Variants in PHF21A observed in about 807,000 individuals in gnomAD.
PHF21A encodes the protein PHD finger protein 21A, also known as BHC80a.
A neutral mutation model predicts 82.5 loss-of-function variants in PHF21A; 11 were observed. The ratio of observed to expected loss-of-function variants is 0.13; its 90% CI spans 0.08 to 0.22. The LOEUF (loss-of-function observed/expected upper bound fraction) is 0.22, where lower values mean the gene tolerates loss of function less well. PHF21A is among the 10% of genes least tolerant of loss of function. The pLI is 1.00. For synonymous variants in PHF21A, 297 were observed against 302.8 expected (o/e 0.98, Z 0.20); for missense variants, 579 against 837.8 (o/e 0.69, Z 3.81).
intron 6 of PHF21A, among the ~76,000 whole-genome samples, chr11:46,038,934 C>T (rs1482599943): frequency 6.6e-6 from 1 of 152,030 alleles, no homozygotes; most frequent in African/African-American, 2.4e-5. Flanking sequence ...ACATTCAAAC[C>T]ACAGCACTAT....
In PHF21A at chr11:46,104,829, G is replaced by A. The variant is rs1452617459; in HGVS notation, c.-236-12606C>T. 2.0e-5 allele frequency among the ~76,000 whole-genome samples: 3 copies of A among 152,176 alleles called. No homozygotes were observed. The East Asian group carries it at 5.8e-4, about 29-fold the overall frequency. ...GCACAGTGGTATGCAGCACGTATGT[G>A]ATACATCTTTATTGGAGTGAGCTTA... On this transcript the variant is annotated intron_variant, in intron 1 of 18. Coordinates refer to ENST00000676320, the MANE Select transcript of PHF21A (RefSeq NM_001352027.3).
chr11:46,037,529 T>C (rs2096032506), intron 6 of PHF21A, among the ~76,000 whole-genome samples: 1 of 151,420 alleles, frequency 6.6e-6, no homozygotes, highest in Admixed American at 6.6e-5. Flanking sequence ...TAATCCCAGC[T>C]ACTTGGGAGG....
chr11:45,964,820 T>A (rs1458925970), intron 10 of PHF21A, among the ~76,000 whole-genome samples: 1 of 152,238 alleles, frequency 6.6e-6, no homozygotes, highest in Non-Finnish European at 1.5e-5. Flanking sequence ...TCCTCTAAAG[T>A]TAAAGAATGC....
chr11:46,029,669 CAAA>C (rs542384009), intron 6 of PHF21A, among the ~76,000 whole-genome samples: 6 of 96,828 alleles, frequency 6.2e-5, no homozygotes, highest in East Asian at 3.4e-4. Flanking sequence ...GCCTCCGTCT[CAAA>C]AAAAAAAAAA....
At chr11:46,063,260 A>T (rs1387229725) in intron 6 of PHF21A, among the ~76,000 whole-genome samples, 7 of 152,194 alleles carry the variant, frequency 4.6e-5, no homozygotes, top group Admixed American at 3.3e-4. Flanking sequence ...CAGTGTACAT[A>T]CAGTCTATAT....
chr11:46,008,221 A>G (rs1221010870), intron 6 of PHF21A, among the ~76,000 whole-genome samples: 1 of 152,230 alleles, frequency 6.6e-6, no homozygotes, highest in Non-Finnish European at 1.5e-5. Context: ...AGACTAATCC[A>G]TAATGTTCAG....
chr11:46,080,283 C>T (rs1379901543), intron 4 of PHF21A, among the ~76,000 whole-genome samples: 1 of 151,422 alleles, frequency 6.6e-6, no homozygotes, highest in Middle Eastern at 3.2e-3. Context: ...CTCAGCCTCC[C>T]GAGTGGCTAG....
chr11:45,953,019 T>C (rs933764161), intron 11 of PHF21A, among the ~76,000 whole-genome samples: 4 of 152,260 alleles, frequency 2.6e-5, no homozygotes, highest in Non-Finnish European at 4.4e-5. Context: ...CCTACTTTTA[T>C]GCTTCAATGG....
intron 4 of PHF21A, chr11:46,083,677 GAT>G (rs1390648341): frequency 6.6e-6 from 1 of 152,236 alleles, no homozygotes; most frequent in African/African-American, 2.4e-5. Flanking sequence ...ATTATATAAA[GAT>G]AGCTTTTTGT....
rs572278349 is a variant in PHF21A, at chr11:46,002,547, T to C, written c.154-22581A>G. Among the ~76,000 whole-genome samples the C allele has an allele frequency of 2.6e-5, 4 of 152,242 alleles. No individual in the cohort carries two copies. The South Asian group carries it at 8.3e-4, about 32-fold the overall frequency. On this transcript the variant is annotated intron_variant, in intron 6 of 18. Transcript: ENST00000676320. ...GGGGAAAAAAAAAGGAATTCACACA[T>C]GGCCTTTTTCATTTAAGGGCAGAAA...
intron 6 of PHF21A, among the ~76,000 whole-genome samples, chr11:46,029,733 C>A (rs1258868076): frequency 6.6e-6 from 1 of 151,782 alleles, no homozygotes; most frequent in Non-Finnish European, 1.5e-5. Flanking sequence ...ACCTAAAAAC[C>A]TAGCAATAAA....
chr11:45,997,673 C>T (rs1215071969), intron 6 of PHF21A, among the ~76,000 whole-genome samples: 3 of 152,144 alleles, frequency 2.0e-5, no homozygotes, highest in Non-Finnish European at 4.4e-5. Context: ...TCTATAACCA[C>T]GTTAAGAATC....
At chr11:46,103,542 G>C (rs571708230) in intron 1 of PHF21A, among the ~76,000 whole-genome samples, 1 of 152,094 alleles carries the variant, frequency 6.6e-6, no homozygotes, top group Non-Finnish European at 1.5e-5. Flanking sequence ...TTAGGAACAG[G>C]GACAAAATAA....
At chr11:46,000,704 G>C (rs1225854231) in intron 6 of PHF21A, among the ~76,000 whole-genome samples, 1 of 152,108 alleles carries the variant, frequency 6.6e-6, no homozygotes, top group Non-Finnish European at 1.5e-5. Flanking sequence ...CAGATCACCT[G>C]AGGTTTGGAG....
chr11:46,103,768 T>C (rs1184268515), intron 1 of PHF21A, among the ~76,000 whole-genome samples: 1 of 152,134 alleles, frequency 6.6e-6, no homozygotes, highest in Admixed American at 6.5e-5. Context: ...ATATCAAGGA[T>C]CAAAGACCAA....
rs144001145 is a variant in PHF21A at position 45,964,398 on chromosome 11, T to A, written c.996+917A>T. Among the ~76,000 whole-genome samples, 249 of 152,172 alleles carry A rather than the reference T, an allele frequency of 1.6e-3. 1 individual carries two copies. Among genetic ancestry groups the A allele is most frequent in the African/African-American group, 5.7e-3 (237 of 41,512 alleles). On this transcript the variant is annotated intron_variant, in intron 10 of 18. Transcript: ENST00000676320. ...TGCCTGGGTTTAAGGTCTAGTACCCTATGCATAGGTTCCTCTGCTCAAGAA... is the reference window on the plus strand; with the variant it reads ...TGCCTGGGTTTAAGGTCTAGTACCCAATGCATAGGTTCCTCTGCTCAAGAA...
Position 46,089,816 on chromosome 11 carries a change from C to T in PHF21A, c.-84+639G>A, listed in dbSNP as rs544669205. ...TATTTGTTTTGGAGGGGGTGGGGGG[C>T]GGGTCCTCATTTTTTAAAAAAGGAA... On this transcript the variant is annotated intron_variant, in intron 3 of 18. Transcript: ENST00000676320. Among the ~76,000 whole-genome samples, 3 of 106,772 alleles carry T rather than the reference C, an allele frequency of 2.8e-5. No homozygotes were observed. In the Admixed American group the frequency reaches 4.0e-4, roughly 14 times the overall value. The allele number at this position is 106,772 out of a possible 152,430, so 70.0% of individuals were successfully genotyped here. A position where few individuals can be genotyped will look rare whatever the true frequency, so the allele number is the denominator to read the frequency against.
rs117070297 is a variant in PHF21A, at chr11:46,013,159, A to T, written c.154-33193T>A. 2.8e-4 allele frequency among the ~76,000 whole-genome samples: 42 copies of T among 152,338 alleles called. 1 individual carries two copies. In the East Asian group the frequency reaches 6.9e-3, roughly 25 times the overall value. ...TACCCAGTAATGGGATTGATGGGTA[A>T]GAGATTAACAACACCTCATAATAAC... On this transcript the variant is annotated intron_variant, in intron 6 of 18. Coordinates refer to ENST00000676320, the MANE Select transcript of PHF21A (RefSeq NM_001352027.3).
At chr11:46,036,673 A>G (rs1016747795) in intron 6 of PHF21A, among the ~76,000 whole-genome samples, 5 of 151,988 alleles carry the variant, frequency 3.3e-5, no homozygotes, top group African/African-American at 7.2e-5. Context: ...TGACTCGACC[A>G]TTTTTTCCAC....
Sources: gnomAD v4.1 joint callset for allele counts (sites outside exome capture counted in the v4.1 genomes callset) on GRCh38, gnomAD v4.1.1 for gene constraint, MANE v1.5 for transcripts, NCBI Gene and HGNC (gene_info 2026-07-23, HGNC 2026-07-21) for gene names.